Variants in ROR1 observed in about 807,000 individuals in gnomAD.
The protein encoded by ROR1 is inactive tyrosine-protein kinase transmembrane receptor ROR1.
Under a neutral mutation model 78.8 loss-of-function variants are expected in ROR1, and 19 were observed. That is an observed-to-expected ratio of 0.24 (90% CI 0.17 to 0.35). The LOEUF is 0.35. Among genes scored for constraint, ROR1 ranks in the 10% least tolerant of loss-of-function variants. ROR1 has a pLI of 1.00. For missense variants in ROR1, 917 were observed against 1,177.8 expected, an observed-to-expected ratio of 0.78 and a Z score of 3.24; for synonymous variants, 386 against 433.6, an observed-to-expected ratio of 0.89 and a Z score of 1.36.
At chr1:64,143,072 C>T in intron 7 of ROR1, 1 of 1,034,766 alleles carries the variant, frequency 9.7e-7, no homozygotes, top group Non-Finnish European at 1.2e-6. Context: ...GATGAATCTA[C>T]AACCATTACT....
At chr1:64,050,080 G>A in intron 3 of ROR1, 102 bp downstream of exon 3, 1 of 1,305,282 alleles carries the variant, frequency 7.7e-7, no homozygotes, top group Non-Finnish European at 1.1e-6. Context: ...CACTTAGTGA[G>A]AATGTACTCT....
intron 4 of ROR1, among the ~76,000 whole-genome samples, chr1:64,068,106 G>A (rs1281785390): frequency 2.6e-5 from 4 of 152,162 alleles, no homozygotes; most frequent in Non-Finnish European, 4.4e-5. Flanking sequence ...AGTTTATGCA[G>A]GCAATTTACA....
At chr1:63,977,714 G>A (rs1646173119) in intron 1 of ROR1, among the ~76,000 whole-genome samples, 1 of 152,068 alleles carries the variant, frequency 6.6e-6, no homozygotes, top group Non-Finnish European at 1.5e-5. Flanking sequence ...CTTTTCAGAG[G>A]GAGAAAAGTG....
intron 1 of ROR1, among the ~76,000 whole-genome samples, chr1:63,829,143 G>A (rs1372261385): frequency 2.6e-5 from 4 of 152,184 alleles, no homozygotes; most frequent in African/African-American, 4.8e-5. Context: ...GTTCCGCCAC[G>A]TACTGGCTGT....
intron 1 of ROR1, among the ~76,000 whole-genome samples, chr1:63,944,868 T>A (rs1183968794): frequency 6.6e-6 from 1 of 152,196 alleles, no homozygotes; most frequent in Admixed American, 6.5e-5. Flanking sequence ...AATCATCTCT[T>A]CTCTGCTTTT....
intron 1 of ROR1, among the ~76,000 whole-genome samples, chr1:63,779,981 C>G (rs748817815): frequency 6.6e-6 from 1 of 152,150 alleles, no homozygotes; most frequent in Non-Finnish European, 1.5e-5. Context: ...AGAAAGGCAG[C>G]AGAAGGCTAC....
chr1:64,115,047 G>A (rs1557659282), intron 4 of ROR1, among the ~76,000 whole-genome samples: 1 of 151,732 alleles, frequency 6.6e-6, no homozygotes, highest in Admixed American at 6.6e-5. Context: ...TCACTGCAGC[G>A]TCTACCTCTT....
intron 4 of ROR1, among the ~76,000 whole-genome samples, chr1:64,054,416 A>G (rs1243895680): frequency 6.6e-6 from 1 of 152,126 alleles, no homozygotes; most frequent in Non-Finnish European, 1.5e-5. Context: ...AGCTGGGACT[A>G]CAGGTGCCAG....
intron 4 of ROR1, among the ~76,000 whole-genome samples, chr1:64,087,310 G>A (rs1438479013): frequency 1.3e-5 from 2 of 152,198 alleles, no homozygotes; most frequent in African/African-American, 4.8e-5. Context: ...CATGAGGAGG[G>A]TAGTGGAAGG....
At chr1:64,101,980 G>GTT (rs1647566555) in intron 4 of ROR1, among the ~76,000 whole-genome samples, 1 of 152,172 alleles carries the variant, frequency 6.6e-6, no homozygotes. Context: ...GCTTTTAGGT[G>GTT]TATGCTATAT....
At chr1:64,100,969 C>A (rs1647512331) in intron 4 of ROR1, among the ~76,000 whole-genome samples, 1 of 152,146 alleles carries the variant, frequency 6.6e-6, no homozygotes, top group African/African-American at 2.4e-5. Context: ...CTTGGGAAAG[C>A]CAGTCACTGT....
At chr1:64,022,737 T>C (rs1243770315) in intron 2 of ROR1, among the ~76,000 whole-genome samples, 1 of 152,230 alleles carries the variant, frequency 6.6e-6, no homozygotes, top group Non-Finnish European at 1.5e-5. Flanking sequence ...TTGACTTGAA[T>C]ATATGTCTCT....
chr1:64,034,574 T>G (rs1378915310), intron 2 of ROR1, among the ~76,000 whole-genome samples: 1 of 152,160 alleles, frequency 6.6e-6, no homozygotes, highest in African/African-American at 2.4e-5. Flanking sequence ...ATCTGCATTC[T>G]CTTTCCTTCC....
At chr1:64,032,340 C>CAAAAAAAAAAAAAAAAAAAAA (rs66602515) in intron 2 of ROR1, among the ~76,000 whole-genome samples, 1 of 76,346 alleles carries the variant, frequency 1.3e-5, no homozygotes. Flanking sequence ...GACTCCGTCT[C>CAAAAAAAAAAAAAAAAAAAAA]AAAAAAAAAA....
chr1:64,061,337 T>C (rs572399421), intron 4 of ROR1, among the ~76,000 whole-genome samples: 1 of 152,300 alleles, frequency 6.6e-6, no homozygotes, highest in African/African-American at 2.4e-5. Context: ...TCTACATCAT[T>C]TACACTTTCC....
intron 1 of ROR1, among the ~76,000 whole-genome samples, chr1:63,776,122 T>G (rs1383036396): frequency 6.6e-6 from 1 of 152,230 alleles, no homozygotes; most frequent in East Asian, 1.9e-4. Context: ...ACTCCTGGCT[T>G]GGGGCTTTGG....
intron 1 of ROR1, among the ~76,000 whole-genome samples, chr1:63,881,819 A>G (rs1021877317): frequency 2.0e-5 from 3 of 152,178 alleles, no homozygotes; most frequent in African/African-American, 7.2e-5. Flanking sequence ...GTCAGATCCA[A>G]TCTATTAATT....
chr1:64,046,286 A>G (rs1646782544), intron 2 of ROR1, among the ~76,000 whole-genome samples: 1 of 152,198 alleles, frequency 6.6e-6, no homozygotes, highest in Admixed American at 6.5e-5. Context: ...TGGGATGCCC[A>G]GGTGTTCTCG....
chr1:63,963,986 T>G (rs967496195), intron 1 of ROR1, among the ~76,000 whole-genome samples: 1 of 152,192 alleles, frequency 6.6e-6, no homozygotes, highest in Admixed American at 6.5e-5. Flanking sequence ...ACACTTCCAT[T>G]TATACTACTT....
Sources: allele counts gnomAD v4.1 joint callset (sites outside exome capture counted in the v4.1 genomes callset), GRCh38; gene constraint gnomAD v4.1.1; transcripts MANE v1.5; gene names NCBI Gene and HGNC (gene_info 2026-07-23, HGNC 2026-07-21).